The following MARCHF11 variants were observed in gnomAD, a reference collection of about 807,000 sequenced individuals.
MARCHF11 encodes the protein membrane associated ring-CH-type finger 11, also known as E3 ubiquitin-protein ligase MARCHF11.
Under a neutral mutation model 37.3 loss-of-function variants are expected in MARCHF11, and 29 were observed. That is an observed-to-expected ratio of 0.78 (90% CI 0.58 to 1.06). The LOEUF (loss-of-function observed/expected upper bound fraction) is 1.06, where lower values mean the gene tolerates loss of function less well. Among genes scored for constraint, MARCHF11 ranks in the 50% least tolerant of loss-of-function variants. The pLI, the probability that MARCHF11 is intolerant of heterozygous loss-of-function variation, is 0.00. For missense variants in MARCHF11, 482 were observed against 533.4 expected (o/e 0.90, Z 0.95); for synonymous variants, 233 against 228.0 (o/e 1.02, Z -0.20).
rs1738427685 is a variant in MARCHF11 at position 16,179,364 on chromosome 5, T to G, written c.212A>C (p.Glu71Ala). The change falls in exon 1 of 4, where the codon GAG (glutamate) becomes GCG (alanine). Residue 71 changes from glutamate to alanine, a missense_variant. Physicochemically the swap from Glu to Ala is moderately radical, Grantham distance 107. Transcript: ENST00000332432. Reference protein sequence around the residue: ...RAAGPSEPLGEVAPRCRGADE... With the variant: ...RAAGPSEPLGAVAPRCRGADE... ...CGCTCCCCTGCACCGCGGGGCCACC[T>G]CCCCTAGCGGCTCGCTTGGCCCCGC... The G allele has an allele frequency of 3.4e-6, 4 of 1,166,014 alleles. No homozygotes were observed. Among genetic ancestry groups the G allele is most frequent in the Non-Finnish European group, 4.2e-6 (4 of 947,790 alleles). 72.2% of individuals were successfully genotyped at this position (1,166,014 alleles called of 1,614,324 possible).
intron 3 of MARCHF11, among the ~76,000 whole-genome samples, chr5:16,088,990 T>C (rs1355876426): frequency 6.6e-6 from 1 of 152,182 alleles, no homozygotes; most frequent in Non-Finnish European, 1.5e-5. Flanking sequence ...TATTTGTTCA[T>C]ATGTCTCTGC....
At chr5:16,168,123 A>G (rs1279998636) in intron 2 of MARCHF11, among the ~76,000 whole-genome samples, 1 of 152,112 alleles carries the variant, frequency 6.6e-6, no homozygotes, top group Non-Finnish European at 1.5e-5. Flanking sequence ...TGGTGTTTTT[A>G]CCTGAAGCTT....
chr5:16,070,316 A>C (rs1736410855), intron 3 of MARCHF11, among the ~76,000 whole-genome samples: 1 of 152,234 alleles, frequency 6.6e-6, no homozygotes, highest in African/African-American at 2.4e-5. Context: ...GGCAGTATAA[A>C]AATAAATTGG....
At chr5:16,154,348 C>T (rs776328011) in intron 2 of MARCHF11, among the ~76,000 whole-genome samples, 1 of 151,976 alleles carries the variant, frequency 6.6e-6, no homozygotes, top group Non-Finnish European at 1.5e-5. Flanking sequence ...TCCAAGCACA[C>T]AGGCCACATT....
At chr5:16,137,542 G>A (rs533321185) in intron 2 of MARCHF11, among the ~76,000 whole-genome samples, 26 of 152,148 alleles carry the variant, frequency 1.7e-4, no homozygotes, top group Admixed American at 5.9e-4. Context: ...ACAGATATTG[G>A]TACTGGTAAA....
At chr5:16,097,905 A>G (rs1008485238) in intron 2 of MARCHF11, among the ~76,000 whole-genome samples, 6 of 152,248 alleles carry the variant, frequency 3.9e-5, no homozygotes, top group African/African-American at 1.4e-4. Flanking sequence ...TTTCAGGCCA[A>G]TATTCTTTAT....
chr5:16,174,827 GA>G (rs1738329631), intron 2 of MARCHF11, among the ~76,000 whole-genome samples: 1 of 152,200 alleles, frequency 6.6e-6, no homozygotes, highest in Non-Finnish European at 1.5e-5. Flanking sequence ...GGGGGATAAA[GA>G]TGGCCACTCT....
At chr5:16,170,390 G>A (rs923256031) in intron 2 of MARCHF11, among the ~76,000 whole-genome samples, 1 of 152,046 alleles carries the variant, frequency 6.6e-6, no homozygotes, top group East Asian at 1.9e-4. Flanking sequence ...AAAAAATTCT[G>A]GGTTTTAAAA....
intron 2 of MARCHF11, among the ~76,000 whole-genome samples, chr5:16,132,780 T>C (rs1737538506): frequency 6.6e-6 from 1 of 151,926 alleles, no homozygotes; most frequent in Admixed American, 6.6e-5. Context: ...GAAAATAACA[T>C]GGAGAGAAAA....
intron 1 of MARCHF11, 48 bp downstream of exon 1, chr5:16,178,991 G>A (rs1265848211): frequency 3.7e-6 from 5 of 1,368,654 alleles, no homozygotes; most frequent in African/African-American, 1.5e-5. Flanking sequence ...CTTGACCGGC[G>A]CGAGCTGGAG....
intron 2 of MARCHF11, among the ~76,000 whole-genome samples, chr5:16,127,044 T>C (rs1426437047): frequency 6.6e-6 from 1 of 152,198 alleles, no homozygotes; most frequent in Admixed American, 6.5e-5. Context: ...TAATGAGTTA[T>C]GGTGATAAAG....
chr5:16,110,543 T>C (rs1362342081), intron 2 of MARCHF11, among the ~76,000 whole-genome samples: 2 of 152,204 alleles, frequency 1.3e-5, no homozygotes, highest in Non-Finnish European at 2.9e-5. Flanking sequence ...TTAGAAGGTA[T>C]TCAGGTTTCT....
intron 2 of MARCHF11, among the ~76,000 whole-genome samples, chr5:16,167,403 G>A (rs1579424180): frequency 6.6e-6 from 1 of 152,102 alleles, no homozygotes; most frequent in African/African-American, 2.4e-5. Flanking sequence ...TTCAGCTGAA[G>A]TCCAAAGAAA....
At chr5:16,161,188 C>G (rs912399365) in intron 2 of MARCHF11, among the ~76,000 whole-genome samples, 1 of 102,362 alleles carries the variant, frequency 9.8e-6, no homozygotes, top group African/African-American at 3.9e-5. Flanking sequence ...CTCCCCCCTC[C>G]CCCCACCCCA....
In MARCHF11 at chr5:16,123,997, A is replaced by C. The variant is rs73044655; in HGVS notation, c.694-32916T>G. 8.4e-3 allele frequency among the ~76,000 whole-genome samples: 1,285 copies of C among 152,166 alleles called. 24 individuals carry two copies. Among genetic ancestry groups the C allele is most frequent in the African/African-American group, 0.029 (1,209 of 41,434 alleles). ...GCACACTACCTTCCTCCAAAAAAAA[A>C]CAAGAATTGCAACATATCAGGTTTT... On this transcript the variant is annotated intron_variant, in intron 2 of 3. Transcript: ENST00000332432.
chr5:16,103,063 G>T (rs1457582817), intron 2 of MARCHF11, among the ~76,000 whole-genome samples: 2 of 149,480 alleles, frequency 1.3e-5, no homozygotes, highest in African/African-American at 4.9e-5. Context: ...CAGATGTCTG[G>T]TACATGCCAG....
chr5:16,173,567 A>T (rs1280953635), intron 2 of MARCHF11, among the ~76,000 whole-genome samples: 3 of 152,202 alleles, frequency 2.0e-5, no homozygotes, highest in African/African-American at 4.8e-5. Context: ...ATGCTGATTC[A>T]TTCATCATGG....
At chr5:16,145,806 T>G (rs1332377980) in intron 2 of MARCHF11, among the ~76,000 whole-genome samples, 1 of 152,156 alleles carries the variant, frequency 6.6e-6, no homozygotes, top group African/African-American at 2.4e-5. Context: ...TCAACATAGG[T>G]ATGACACACG....
chr5:16,092,578 T>G (rs1736804824), intron 2 of MARCHF11, among the ~76,000 whole-genome samples: 1 of 151,856 alleles, frequency 6.6e-6, no homozygotes, highest in Admixed American at 6.6e-5. Context: ...CACTGGGGCC[T>G]GTTGGTGGGT....
Sources: allele counts gnomAD v4.1 joint callset (sites outside exome capture counted in the v4.1 genomes callset), GRCh38; gene constraint gnomAD v4.1.1; transcripts MANE v1.5; gene names NCBI Gene and HGNC (gene_info 2026-07-23, HGNC 2026-07-21).